CTNNA2: variants seen among roughly 807,000 people sequenced by gnomAD.
CTNNA2 encodes the protein catenin alpha 2.
Under a neutral mutation model 101.0 loss-of-function variants are expected in CTNNA2, and 42 were observed. The ratio of observed to expected loss-of-function variants is 0.42; its 90% CI spans 0.32 to 0.54. CTNNA2 has a LOEUF of 0.54. CTNNA2 is among the 20% of genes least tolerant of loss of function. CTNNA2 has a pLI of 0.14. For synonymous variants in CTNNA2, 450 were observed against 456.4 expected, an observed-to-expected ratio of 0.99 and a Z score of 0.18; for missense variants, 871 against 1,223.1, an observed-to-expected ratio of 0.71 and a Z score of 4.29.
chr2:80,225,851 T>C (rs181277618), intron 7 of CTNNA2, among the ~76,000 whole-genome samples: 39 of 152,326 alleles, frequency 2.6e-4, no homozygotes, highest in African/African-American at 9.1e-4. Context: ...TTCAATTTCC[T>C]TTGGATGTAC....
chr2:79,933,699 C>A (rs1209297465), intron 7 of CTNNA2, among the ~76,000 whole-genome samples: 2 of 152,148 alleles, frequency 1.3e-5, no homozygotes, highest in African/African-American at 4.8e-5. Flanking sequence ...AGGTGATCCA[C>A]CTGCCTCGGC....
chr2:80,438,189 C>T (rs1682214356), intron 9 of CTNNA2, among the ~76,000 whole-genome samples: 1 of 152,182 alleles, frequency 6.6e-6, no homozygotes, highest in African/African-American at 2.4e-5. Context: ...GGTCTTTCCT[C>T]TATGCTCGCA....
intron 4 of CTNNA2, among the ~76,000 whole-genome samples, chr2:79,431,026 G>A (rs1678654365): frequency 6.6e-6 from 1 of 152,096 alleles, no homozygotes; most frequent in Non-Finnish European, 1.5e-5. Flanking sequence ...GAAGAATGAG[G>A]TTGTTACCAG....
chr2:80,586,501 A>T (rs1222515503), intron 14 of CTNNA2: 4 of 152,156 alleles, frequency 2.6e-5, no homozygotes, highest in African/African-American at 9.7e-5. Context: ...CTGTATGAGG[A>T]GGACAATAAA....
chr2:80,134,807 A>C (rs1331179777), intron 7 of CTNNA2, among the ~76,000 whole-genome samples: 1 of 152,168 alleles, frequency 6.6e-6, no homozygotes, highest in African/African-American at 2.4e-5. Context: ...TGTACAAAGA[A>C]ATTAATTAAG....
chr2:79,590,919 A>G (rs1676806003), intron 1 of CTNNA2, among the ~76,000 whole-genome samples: 2 of 152,172 alleles, frequency 1.3e-5, no homozygotes, highest in South Asian at 4.1e-4. Flanking sequence ...GCCCTTCCTG[A>G]ATAATCAGTT....
At chr2:79,503,915 G>T (rs961796623) in intron 4 of CTNNA2, among the ~76,000 whole-genome samples, 1 of 152,150 alleles carries the variant, frequency 6.6e-6, no homozygotes, top group African/African-American at 2.4e-5. Flanking sequence ...TTACCAAGGA[G>T]AAGTTGAGTT....
In CTNNA2 at chr2:80,116,618, G is replaced by A. The variant is rs1701538242; in HGVS notation, c.1056+206821G>A. ...ATTATGAGAACTTGGGATAAGATAG[G>A]GCATTAGAAATAGAGAAGAGAGCAC... is the stretch of plus-strand genomic sequence containing the variant. On this transcript the variant is annotated intron_variant, in intron 7 of 18. Coordinates refer to ENST00000402739, the MANE Select transcript of CTNNA2 (RefSeq NM_001282597.3). Among the ~76,000 whole-genome samples, 3 of 152,064 alleles carry A rather than the reference G, an allele frequency of 2.0e-5. No individual in the cohort carries two copies. In the South Asian group the frequency reaches 6.2e-4, roughly 32 times the overall value.
intron 9 of CTNNA2, among the ~76,000 whole-genome samples, chr2:80,488,199 C>T (rs1686751647): frequency 6.6e-6 from 1 of 152,178 alleles, no homozygotes; most frequent in South Asian, 2.1e-4. Flanking sequence ...GGTTTTACCT[C>T]CTATGGATAC....
rs150322151 is a variant in CTNNA2 at position 80,314,884 on chromosome 2, A to C, written c.1057-78327A>C. On this transcript the variant is annotated intron_variant, in intron 7 of 18. Transcript: ENST00000402739. ...TCTATATTTGCATTTTAGCAGAAGA[A>C]TTTGAGACATCTAATAACATTGTGA... Among the ~76,000 whole-genome samples, 1,046 of 152,356 alleles carry C rather than the reference A, an allele frequency of 6.9e-3. 13 individuals are homozygous for C. The highest frequency in any genetic ancestry group is 0.023 in the African/African-American group (951 of 41,578).
chr2:80,015,333 G>C (rs1694064772), intron 7 of CTNNA2, among the ~76,000 whole-genome samples: 2 of 152,110 alleles, frequency 1.3e-5, no homozygotes, highest in Non-Finnish European at 2.9e-5. Flanking sequence ...GAGAGAAAGA[G>C]CTTCTGTTTT....
chr2:79,396,592 C>T (rs945381626), intron 4 of CTNNA2, among the ~76,000 whole-genome samples: 1 of 152,100 alleles, frequency 6.6e-6, no homozygotes, highest in African/African-American at 2.4e-5. Context: ...TATAAAATTT[C>T]ACTTTTCTAA....
At chr2:79,948,964 T>C (rs1169010401) in intron 7 of CTNNA2, among the ~76,000 whole-genome samples, 1 of 151,960 alleles carries the variant, frequency 6.6e-6, no homozygotes, top group Non-Finnish European at 1.5e-5. Flanking sequence ...CCAGACTCCG[T>C]CTCAAAAATA....
At chr2:79,991,359 C>CT (rs373541478) in intron 7 of CTNNA2, among the ~76,000 whole-genome samples, 9 of 151,902 alleles carry the variant, frequency 5.9e-5, no homozygotes, top group South Asian at 2.1e-4. Flanking sequence ...CCACCTCCCC[C>CT]TTTTTTTTCC....
chr2:79,388,287 G>A (rs1023228384), intron 4 of CTNNA2, among the ~76,000 whole-genome samples: 3 of 152,128 alleles, frequency 2.0e-5, no homozygotes, highest in Admixed American at 1.3e-4. Context: ...CTGTTCCAAA[G>A]GGAAGCTGAC....
intron 9 of CTNNA2, among the ~76,000 whole-genome samples, chr2:80,452,539 G>C (rs192635965): frequency 6.6e-6 from 1 of 151,498 alleles, no homozygotes; most frequent in Non-Finnish European, 1.5e-5. Flanking sequence ...GGCAGCTGTC[G>C]GTGTTCTAAC....
At chr2:79,982,279 T>A (rs1158094376) in intron 7 of CTNNA2, among the ~76,000 whole-genome samples, 19 of 116,492 alleles carry the variant, frequency 1.6e-4, no homozygotes, top group Non-Finnish European at 2.5e-4. Context: ...ATATATATAA[T>A]ATATATAACA....
intron 3 of CTNNA2, among the ~76,000 whole-genome samples, chr2:79,370,425 G>T (rs1172369810): frequency 6.6e-6 from 1 of 152,138 alleles, no homozygotes; most frequent in Non-Finnish European, 1.5e-5. Flanking sequence ...ATATTTGCAG[G>T]TTGCCCTCCT....
intron 7 of CTNNA2, among the ~76,000 whole-genome samples, chr2:80,161,426 T>C (rs1009916853): frequency 7.2e-5 from 11 of 152,182 alleles, no homozygotes; most frequent in African/African-American, 2.7e-4. Flanking sequence ...TGAACTTTTA[T>C]AAACAATTCT....
Sources: allele counts gnomAD v4.1 joint callset (sites outside exome capture counted in the v4.1 genomes callset), GRCh38; gene constraint gnomAD v4.1.1; transcripts MANE v1.5; gene names NCBI Gene and HGNC (gene_info 2026-07-23, HGNC 2026-07-21).